MED31: variants seen among roughly 807,000 people sequenced by gnomAD.
MED31 encodes the protein mediator complex subunit 31, also known as mediator of RNA polymerase II transcription subunit 31.
MED31 carries 11 observed loss-of-function variants against 22.0 expected under a neutral mutation model. That is an observed-to-expected ratio of 0.50 (90% CI 0.31 to 0.83). MED31 has a LOEUF of 0.83. Ranked by LOEUF, MED31 falls within the 40% of genes least tolerant of loss-of-function variation. The probability of loss-of-function intolerance (pLI) is 0.04; values close to 1 mark genes in which losing one functional copy is unlikely to be tolerated. For missense variants in MED31, 122 were observed against 155.3 expected (o/e 0.79, Z 1.14); for synonymous variants, 60 against 55.1 (o/e 1.09, Z -0.40).
intron 1 of MED31, 139 bp downstream of exon 1, chr17:6,651,362 G>C (rs1490478001): frequency 2.6e-6 from 3 of 1,165,934 alleles, no homozygotes; most frequent in Non-Finnish European, 3.6e-6. Flanking sequence ...AGTCTTTCTA[G>C]ACGCTACAAG....
intron 3 of MED31, among the ~76,000 whole-genome samples, chr17:6,645,101 CTTG>C (rs1228560663): frequency 6.6e-6 from 1 of 152,212 alleles, no homozygotes; most frequent in African/African-American, 2.4e-5. Flanking sequence ...ACATTGTACT[CTTG>C]TTGTCCACAG....
At chr17:6,645,043 A>G (rs1567601976) in intron 3 of MED31, among the ~76,000 whole-genome samples, 1 of 152,234 alleles carries the variant, frequency 6.6e-6, no homozygotes, top group Admixed American at 6.5e-5. Context: ...ATAGGGATAA[A>G]AAGACAACTT....
Position 6,646,704 on chromosome 17 carries a change from TG to T in MED31, c.204-2046del, listed in dbSNP as rs770888548. On this transcript the variant is annotated intron_variant, in intron 3 of 3. Coordinates refer to ENST00000225728, the MANE Select transcript of MED31 (RefSeq NM_016060.3). The stretch of plus-strand genomic sequence containing the variant: ...GCAGGGACCCCTGCCCAGAAAAGCC[TG>T]GGTATTGTCCAGGTTTCCCCCAACT... 1.0e-3 allele frequency among the ~76,000 whole-genome samples: 157 copies of T among 152,348 alleles called. 1 individual carries two copies. The highest frequency in any genetic ancestry group is 1.9e-3 in the Non-Finnish European group (126 of 68,034).
chr17:6,645,898 TACTTATTAAATACACAAGGAAAAATAGCA>T (rs1383476746), intron 3 of MED31, among the ~76,000 whole-genome samples: 2 of 152,186 alleles, frequency 1.3e-5, no homozygotes, highest in African/African-American at 4.8e-5. Flanking sequence ...CCCTATAAGA[TACTTATTAAATACACAAGGAAAAATAGCA>T]ACTTAATATG....
intron 3 of MED31, among the ~76,000 whole-genome samples, chr17:6,647,880 T>C (rs1479896518): frequency 2.0e-5 from 3 of 152,174 alleles, no homozygotes; most frequent in Admixed American, 6.5e-5. Context: ...AGTCAATAAC[T>C]AGAATTTAGA....
At chr17:6,644,857 T>C (rs1338042765) in intron 3 of MED31, among the ~76,000 whole-genome samples, 198 bp from the exon 4 acceptor site, 1 of 152,182 alleles carries the variant, frequency 6.6e-6, no homozygotes, top group Non-Finnish European at 1.5e-5. Context: ...ATGAGAAGGT[T>C]TAAGTTCAGA....
At position 6,650,217 on chromosome 17, in the gene MED31, G is replaced by T. The variant is rs565915578; in HGVS notation, c.106+139C>A. The T allele has an allele frequency of 9.6e-5, 114 of 1,182,756 alleles. No homozygotes were observed. The Middle Eastern group carries it at 1.2e-3, about 12-fold the overall frequency. The allele number at this position is 1,182,756 out of a possible 1,614,324, so 73.3% of individuals were successfully genotyped here. A position where few individuals can be genotyped will look rare whatever the true frequency, so the allele number is the denominator to read the frequency against. On this transcript the variant is annotated intron_variant, in intron 2 of 3. Transcript: ENST00000225728. ...GGATTCAAAACACAAGTCCCAGTAC[G>T]CAATTATATCTATATACCAGCATAA...
chr17:6,647,243 T>C (rs1333852003), intron 3 of MED31, among the ~76,000 whole-genome samples: 1 of 152,236 alleles, frequency 6.6e-6, no homozygotes, highest in Non-Finnish European at 1.5e-5. Flanking sequence ...ATGCTGAGTG[T>C]GCCGGTCCCC....
chr17:6,650,413 GA>G lies in MED31; in HGVS notation c.48del (p.Arg17GlyfsTer12), dbSNP rs1972819101. On this transcript the variant is annotated frameshift_variant, in exon 2 of 4. Coordinates refer to ENST00000225728, the MANE Select transcript of MED31 (RefSeq NM_016060.3). LOFTEE classifies it high-confidence loss of function. ...ACAAATTCCAACTCCAACTGAAACC[GA>G]AGTCGATTTCCAGCATCATCTAGGA... The part of the protein sequence containing the change: ...AMETDDAGNR[L>X]RFQLELEFVQ... The G allele has an allele frequency of 6.2e-7, 1 of 1,613,984 alleles. No individual in the cohort carries two copies. Among genetic ancestry groups the G allele is most frequent in the Non-Finnish European group, 8.5e-7 (1 of 1,180,006 alleles).
Position 6,650,090 on chromosome 17 carries a change from T to TAA in MED31, c.107-14_107-13dup. 32 of 1,225,962 alleles carry TAA rather than the reference T, an allele frequency of 2.6e-5. No homozygotes were observed. Among genetic ancestry groups the TAA allele is most frequent in the Admixed American group, 7.6e-5 (3 of 39,710 alleles). 75.9% of individuals were successfully genotyped at this position (1,225,962 alleles called of 1,614,324 possible). ...TCTTTGGGCAAGAACTGAAAAGCAT[T>TAA]AAAAAAAAAAATCTGTAGGTCAAAC... On this transcript the variant is annotated splice_polypyrimidine_tract_variant and intron_variant, in intron 2 of 3. Transcript: ENST00000225728.
Position 6,644,522 on chromosome 17 carries a change from C to T in MED31, c.341G>A (p.Arg114His), listed in dbSNP as rs1371448322. 1.7e-5 allele frequency: 27 copies of T among 1,611,156 alleles called. No individual in the cohort carries two copies. The highest frequency in any genetic ancestry group is 2.0e-5 in the Non-Finnish European group (24 of 1,179,280). The change falls in exon 4 of 4, where the codon CGC (arginine) becomes CAC (histidine). Residue 114 changes from arginine (R) to histidine (H), a missense_variant. Transcript: ENST00000225728. The stretch of plus-strand genomic sequence containing the variant: ...CTGCTCTGCCAAGGCTTGCTGAAGG[C>T]GCATCCGCTTCCGGGAATAGTGCTG... ...HWQHYSRKRM[R>H]LQQALAEQQQ...
intron 3 of MED31, among the ~76,000 whole-genome samples, chr17:6,646,801 G>A (rs1030582894): frequency 1.3e-5 from 2 of 152,236 alleles, no homozygotes; most frequent in Non-Finnish European, 2.9e-5. Flanking sequence ...CCTGTAAAGG[G>A]TCTGTGCTGA....
In MED31 at chr17:6,643,516, AGTTTGTTTTGCAGCT is replaced by A. The variant is rs1196059995; in HGVS notation, c.*936_*950del. ...AAACAGACTCCTGAGCACTAGAAGC[AGTTTGTTTTGCAGCT>A]GTCTCAATGTGCTTTACTTGGGATG... On this transcript the variant is annotated 3_prime_UTR_variant, in exon 4 of 4. Transcript: ENST00000225728. 6.5e-6 allele frequency: 1 copy of A among 153,114 alleles called. No individual in the cohort carries two copies. The highest frequency in any genetic ancestry group is 1.5e-5 in the Non-Finnish European group (1 of 68,708). 9.5% of individuals were successfully genotyped at this position (153,114 alleles called of 1,614,324 possible).
chr17:6,644,896 A>T (rs995269044), intron 3 of MED31, among the ~76,000 whole-genome samples: 1 of 152,254 alleles, frequency 6.6e-6, no homozygotes, highest in Non-Finnish European at 1.5e-5. Flanking sequence ...TCAAGACCAC[A>T]CAACACAGTA....
intron 3 of MED31, among the ~76,000 whole-genome samples, chr17:6,646,497 G>A (rs567979794): frequency 6.6e-6 from 1 of 152,346 alleles, no homozygotes; most frequent in East Asian, 1.9e-4. Context: ...CTGTTAATCT[G>A]TAAATTTAGC....
chr17:6,644,410 T>C lies in MED31; in HGVS notation c.*57A>G, dbSNP rs948379849. The C allele has an allele frequency of 4.1e-6, 6 of 1,479,362 alleles. No individual in the cohort carries two copies. Among genetic ancestry groups the C allele is most frequent in the Non-Finnish European group, 5.4e-6 (6 of 1,114,940 alleles). 91.6% of individuals were successfully genotyped at this position (1,479,362 alleles called of 1,614,324 possible). On this transcript the variant is annotated 3_prime_UTR_variant, in exon 4 of 4. Coordinates refer to ENST00000225728, the MANE Select transcript of MED31 (RefSeq NM_016060.3). ...GAGTTTTCATTTTTTTTGTCTTCAC[T>C]GTACAAAAGAAATACATTATATACA...
chr17:6,647,922 G>A (rs1235823390), intron 3 of MED31, among the ~76,000 whole-genome samples: 1 of 152,172 alleles, frequency 6.6e-6, no homozygotes, highest in Non-Finnish European at 1.5e-5. Context: ...TACCTTAGAT[G>A]ACAATAAAGA....
chr17:6,643,596 C>T lies in MED31; in HGVS notation c.*871G>A, dbSNP rs774489056. 17 of 153,094 alleles carry T rather than the reference C, an allele frequency of 1.1e-4. No homozygotes were observed. Among genetic ancestry groups the T allele is most frequent in the Non-Finnish European group, 2.5e-4 (17 of 68,710 alleles). 9.5% of individuals were successfully genotyped at this position (153,094 alleles called of 1,614,324 possible). ...GAGCGGCCGGAAAGACTCTATAACC[C>T]AGTTCTGGGAAGAACTCCAAGCTGG... On this transcript the variant is annotated 3_prime_UTR_variant, in exon 4 of 4. Coordinates refer to ENST00000225728, the MANE Select transcript of MED31 (RefSeq NM_016060.3).
chr17:6,648,955 T>C (rs1307591748), intron 3 of MED31, among the ~76,000 whole-genome samples: 1 of 152,210 alleles, frequency 6.6e-6, no homozygotes, highest in Non-Finnish European at 1.5e-5. Flanking sequence ...ACAATATTCG[T>C]TGAAGTCTAC....
Sources: allele counts gnomAD v4.1 joint callset (sites outside exome capture counted in the v4.1 genomes callset), GRCh38; gene constraint gnomAD v4.1.1; transcripts MANE v1.5; gene names NCBI Gene and HGNC (gene_info 2026-07-23, HGNC 2026-07-21).